Variants in CDH4 observed in about 807,000 individuals in gnomAD.
CDH4 encodes cadherin-4.
Under a neutral mutation model 86.0 loss-of-function variants are expected in CDH4, and 33 were observed. The observed-to-expected ratio is 0.38, with a 90% CI of 0.29 to 0.51. The LOEUF is 0.51. CDH4 is among the 20% of genes least tolerant of loss of function. CDH4 has a pLI of 0.86. For missense variants in CDH4, 1,114 were observed against 1,307.4 expected (o/e 0.85, Z 2.28); for synonymous variants, 555 against 549.4 (o/e 1.01, Z -0.14).
At chr20:61,912,136 AG>A (rs1568883466) in intron 9 of CDH4, among the ~76,000 whole-genome samples, 2 of 152,196 alleles carry the variant, frequency 1.3e-5, no homozygotes, top group South Asian at 4.1e-4. Context: ...GAAATCAAAA[AG>A]GGGGGAAGAA....
At chr20:61,672,169 A>C (rs1298399104) in intron 2 of CDH4, among the ~76,000 whole-genome samples, 1 of 151,366 alleles carries the variant, frequency 6.6e-6, no homozygotes, top group East Asian at 2.0e-4. Flanking sequence ...TGATGGATAG[A>C]TGAATGGGTG....
intron 7 of CDH4, among the ~76,000 whole-genome samples, chr20:61,882,073 C>G (rs1449010981): frequency 6.6e-6 from 1 of 152,218 alleles, no homozygotes; most frequent in Non-Finnish European, 1.5e-5. Context: ...TGGAGCCGGA[C>G]CCTGCCCGCG....
In CDH4 at chr20:61,829,097, C is replaced by T. The variant is rs538467673; in HGVS notation, c.577-15571C>T. 6.6e-6 allele frequency among the ~76,000 whole-genome samples: 1 copy of T among 152,358 alleles called. No homozygotes were observed. The highest frequency in any genetic ancestry group is 1.9e-4 in the East Asian group (1 of 5,180). On this transcript the variant is annotated intron_variant, in intron 4 of 15. Coordinates refer to ENST00000614565, the MANE Select transcript of CDH4 (RefSeq NM_001794.5). The surrounding 1 kb of genome is among the most constrained non-coding windows in gnomAD (Gnocchi z 4.2). The stretch of plus-strand genomic sequence containing the variant: ...CGGCCACCACTCACCTCCAGCTGTG[C>T]GGCCCAGTTCCTAACAGGCCACAGA...
At chr20:61,712,395 C>G (rs2087903136) in intron 2 of CDH4, among the ~76,000 whole-genome samples, 1 of 152,158 alleles carries the variant, frequency 6.6e-6, no homozygotes, top group Non-Finnish European at 1.5e-5. Flanking sequence ...AAGGTCACAC[C>G]AGCTCTGGCA....
At chr20:61,915,104 A>G (rs1018537946) in intron 9 of CDH4, among the ~76,000 whole-genome samples, 1 of 152,178 alleles carries the variant, frequency 6.6e-6, no homozygotes, top group African/African-American at 2.4e-5. Flanking sequence ...TTCTTGTCCC[A>G]TTTCACAGAT....
At chr20:61,840,514 C>G (rs1982111904) in intron 4 of CDH4, among the ~76,000 whole-genome samples, 1 of 152,208 alleles carries the variant, frequency 6.6e-6, no homozygotes. Flanking sequence ...TGAACACTAT[C>G]GCGGAGTCCC....
chr20:61,841,965 C>T (rs1218654232), intron 4 of CDH4, among the ~76,000 whole-genome samples: 23 of 152,226 alleles, frequency 1.5e-4, no homozygotes, highest in Non-Finnish European at 4.4e-5. Context: ...GGGCACCTCA[C>T]TCCTGCACGT....
chr20:61,818,799 G>GC (rs1852393804), intron 4 of CDH4, among the ~76,000 whole-genome samples: 1 of 151,960 alleles, frequency 6.6e-6, no homozygotes, highest in Admixed American at 6.6e-5. Flanking sequence ...GCGGAAAGGA[G>GC]CAGGTGGGCT....
At chr20:61,426,638 G>A (rs1394797849) in intron 2 of CDH4, among the ~76,000 whole-genome samples, 1 of 152,212 alleles carries the variant, frequency 6.6e-6, no homozygotes, top group Non-Finnish European at 1.5e-5. Context: ...ATATGGTTGT[G>A]CAGTGCAGGC....
chr20:61,361,639 A>G (rs1362449694), intron 2 of CDH4, among the ~76,000 whole-genome samples: 1 of 152,176 alleles, frequency 6.6e-6, no homozygotes, highest in Non-Finnish European at 1.5e-5. Flanking sequence ...TCCTTCCTTG[A>G]ACAGACATCC....
chr20:61,814,765 A>G (rs1358626575), intron 4 of CDH4, among the ~76,000 whole-genome samples: 1 of 152,230 alleles, frequency 6.6e-6, no homozygotes, highest in African/African-American at 2.4e-5. Context: ...GCTATTGAGC[A>G]AACAGTCTAA....
chr20:61,772,911 G>A (rs906906029), intron 3 of CDH4, 92 bp from the exon 4 acceptor site: 63 of 1,161,966 alleles, frequency 5.4e-5, no homozygotes, highest in Admixed American at 2.4e-4. Flanking sequence ...TCTCAGTCTC[G>A]GGCAGTACAG....
chr20:61,383,255 AAT>A (rs1447714574), intron 2 of CDH4, among the ~76,000 whole-genome samples: 2 of 111,774 alleles, frequency 1.8e-5, no homozygotes, highest in Non-Finnish European at 3.6e-5. Flanking sequence ...ATTATATATG[AAT>A]ATATGTGATA....
chr20:61,551,167 G>A (rs1321005661), intron 2 of CDH4, among the ~76,000 whole-genome samples: 1 of 152,142 alleles, frequency 6.6e-6, no homozygotes, highest in Admixed American at 6.5e-5. Flanking sequence ...GCATGTCATG[G>A]GCACTCAATA....
At chr20:61,525,144 A>T (rs1012396151) in intron 2 of CDH4, among the ~76,000 whole-genome samples, 2 of 152,134 alleles carry the variant, frequency 1.3e-5, no homozygotes, top group Non-Finnish European at 2.9e-5. Flanking sequence ...CCCGGGTTTT[A>T]TCCTAATGCC....
chr20:61,511,898 CTG>C (rs2085783038), intron 2 of CDH4, among the ~76,000 whole-genome samples: 2 of 152,138 alleles, frequency 1.3e-5, no homozygotes, highest in South Asian at 4.2e-4. Flanking sequence ...GAATAAATAT[CTG>C]GAAAATTCTT....
At chr20:61,487,842 A>G (rs956006798) in intron 2 of CDH4, among the ~76,000 whole-genome samples, 1 of 152,240 alleles carries the variant, frequency 6.6e-6, no homozygotes, top group Non-Finnish European at 1.5e-5. Flanking sequence ...AAAGTGTCAA[A>G]GTCTTGTCCG....
At chr20:61,275,722 CAT>C (rs1402466616) in intron 2 of CDH4, among the ~76,000 whole-genome samples, 1 of 151,632 alleles carries the variant, frequency 6.6e-6, no homozygotes, top group Non-Finnish European at 1.5e-5. Flanking sequence ...GGGGGCGTAT[CAT>C]GTGCAGTTTG....
rs201977143 is a variant in CDH4, at chr20:61,709,273, CTTAT to C, written c.170-34275_170-34272del. Among the ~76,000 whole-genome samples, 2,108 of 152,230 alleles carry C rather than the reference CTTAT, an allele frequency of 0.014. 34 individuals carry two copies. Among genetic ancestry groups the C allele is most frequent in the African/African-American group, 0.047 (1,960 of 41,524 alleles). Reference sequence around the variant, plus strand: ...AAGACAGCTGTCAGCAAAAGTCAGACTTATTTATTTATTTATTTTCTGAGAGCGT... The same window carrying C: ...AAGACAGCTGTCAGCAAAAGTCAGACTTATTTATTTATTTTCTGAGAGCGT... On this transcript the variant is annotated intron_variant, in intron 2 of 15. Transcript: ENST00000614565. The surrounding 1 kb of genome is among the most constrained non-coding windows in gnomAD (Gnocchi z 4.8).
Sources: allele counts gnomAD v4.1 joint callset (sites outside exome capture counted in the v4.1 genomes callset), GRCh38; gene constraint gnomAD v4.1.1; non-coding constraint Gnocchi (gnomAD v3.1); transcripts MANE v1.5; gene names NCBI Gene and HGNC (gene_info 2026-07-23, HGNC 2026-07-21).